EPS15: variants seen among roughly 807,000 people sequenced by gnomAD.
EPS15 encodes the protein epidermal growth factor receptor substrate 15.
EPS15 carries 72 observed loss-of-function variants against 113.8 expected under a neutral mutation model. That is an observed-to-expected ratio of 0.63 (90% CI 0.52 to 0.77). The LOEUF (loss-of-function observed/expected upper bound fraction) is 0.77, where lower values mean the gene tolerates loss of function less well. EPS15 is among the 30% of genes least tolerant of loss of function. EPS15 has a pLI of 0.00. For synonymous variants in EPS15, 344 were observed against 363.4 expected, an observed-to-expected ratio of 0.95 and a Z score of 0.61; for missense variants, 1,048 against 1,045.8, an observed-to-expected ratio of 1.00 and a Z score of -0.03.
intron 10 of EPS15, among the ~76,000 whole-genome samples, chr1:51,446,670 G>T (rs929669747): frequency 6.6e-6 from 1 of 152,016 alleles, no homozygotes; most frequent in Non-Finnish European, 1.5e-5. Context: ...GGCCAAGCTG[G>T]TCTCAAACTC....
At position 51,516,248 on chromosome 1, in the gene EPS15, G is replaced by A. The variant is rs183386708; in HGVS notation, c.33+2951C>T. 7.2e-5 allele frequency among the ~76,000 whole-genome samples: 11 copies of A among 152,334 alleles called. No individual in the cohort carries two copies. The East Asian group carries it at 1.5e-3, about 21-fold the overall frequency. ...ATCTTAAAAGTTGGAAAGGTCCTTA[G>A]ATCAGCTAATTCAAACTCCTCTAGC... On this transcript the variant is annotated intron_variant, in intron 1 of 24. Transcript: ENST00000371733.
At chr1:51,434,932 A>G (rs563960208) in intron 12 of EPS15, among the ~76,000 whole-genome samples, 13 of 152,246 alleles carry the variant, frequency 8.5e-5, no homozygotes, top group African/African-American at 2.9e-4. Flanking sequence ...TCAGCCTCCC[A>G]AAGTGCTGGG....
chr1:51,427,837 A>G lies in EPS15; in HGVS notation c.1041-5979T>C, dbSNP rs78969875. Among the ~76,000 whole-genome samples the G allele has an allele frequency of 8.6e-3, 1,315 of 152,320 alleles. 19 individuals are homozygous for G. Among genetic ancestry groups the G allele is most frequent in the African/African-American group, 0.029 (1,202 of 41,558 alleles). Reference sequence around the variant, plus strand: ...CAAAACAGCAGTAAGAAGCAGACTAAGAAGAAAACTCAAATTTGATAAAAT... The same window carrying G: ...CAAAACAGCAGTAAGAAGCAGACTAGGAAGAAAACTCAAATTTGATAAAAT... On this transcript the variant is annotated intron_variant, in intron 12 of 24. Transcript: ENST00000371733.
At chr1:51,510,177 ACCT>A (rs1267432743) in intron 1 of EPS15, among the ~76,000 whole-genome samples, 1 of 152,108 alleles carries the variant, frequency 6.6e-6, no homozygotes, top group Non-Finnish European at 1.5e-5. Context: ...CCCACTATTG[ACCT>A]CCTCCCCAAT....
chr1:51,508,808 T>G (rs1317421156), intron 1 of EPS15, among the ~76,000 whole-genome samples: 3 of 152,168 alleles, frequency 2.0e-5, no homozygotes, highest in Non-Finnish European at 2.9e-5. Context: ...AGGAATCTCA[T>G]AAGAAAATTG....
rs72637992 is a variant in EPS15 at position 51,496,161 on chromosome 1, A to G, written c.34-14847T>C. ...TTTAACCTGAGGCACATACTATTAT[A>G]CCCATTTAACAAATGAGGAAAATAA... On this transcript the variant is annotated intron_variant, in intron 1 of 24. Coordinates refer to ENST00000371733, the MANE Select transcript of EPS15 (RefSeq NM_001981.3). 6.2e-3 allele frequency among the ~76,000 whole-genome samples: 950 copies of G among 152,252 alleles called. 49 individuals are homozygous for G. In the East Asian group the frequency reaches 0.15, roughly 25 times the overall value.
Position 51,519,221 on chromosome 1 carries a change from G to T in EPS15, c.11C>A (p.Ala4Glu). The change falls in exon 1 of 25, where the codon GCG becomes GAG. Residue 4 changes from alanine (A) to glutamate (E), a missense_variant. By Grantham distance (107) the Ala-to-Glu change is moderately radical. Transcript: ENST00000371733. Reference sequence around the variant, plus strand: ...TACCTGTGTCAGAGAGAGCTGGGCCGCCGCAGCCATGGTGTTTCCATCATG... The same window carrying T: ...TACCTGTGTCAGAGAGAGCTGGGCCTCCGCAGCCATGGTGTTTCCATCATG... MAA[A>E]AQLSLTQLSS... 1 of 1,393,368 alleles carries T rather than the reference G, an allele frequency of 7.2e-7. No homozygotes were observed. Among genetic ancestry groups the T allele is most frequent in the Non-Finnish European group, 9.4e-7 (1 of 1,060,282 alleles). The allele number at this position is 1,393,368 out of a possible 1,614,324, so 86.3% of individuals were successfully genotyped here.
intron 21 of EPS15, chr1:51,372,841 C>A (rs1646692032): frequency 1.7e-6 from 1 of 580,440 alleles, no homozygotes; most frequent in South Asian, 1.9e-5. Flanking sequence ...ACAAAGAGGT[C>A]CATGGTTTGA....
intron 11 of EPS15, among the ~76,000 whole-genome samples, chr1:51,441,520 A>G (rs1652595577): frequency 1.3e-5 from 2 of 152,142 alleles, no homozygotes; most frequent in African/African-American, 2.4e-5. Flanking sequence ...TGCTGACTTT[A>G]TATAACAGAA....
At chr1:51,464,441 T>G (rs922989924) in intron 6 of EPS15, among the ~76,000 whole-genome samples, 9 of 151,860 alleles carry the variant, frequency 5.9e-5, no homozygotes, top group African/African-American at 2.2e-4. Context: ...GGGGTTTCAC[T>G]ATGTTGGCCA....
At chr1:51,505,523 C>A (rs916562882) in intron 1 of EPS15, among the ~76,000 whole-genome samples, 4 of 152,016 alleles carry the variant, frequency 2.6e-5, no homozygotes, top group Admixed American at 2.6e-4. Flanking sequence ...GGGAAGCATG[C>A]AATATGGGAG....
rs1016455069 is a variant in EPS15 at position 51,484,198 on chromosome 1, T to C, written c.34-2884A>G. Among the ~76,000 whole-genome samples, 6 of 152,288 alleles carry C rather than the reference T, an allele frequency of 3.9e-5. No individual in the cohort carries two copies. The South Asian group carries it at 8.3e-4, about 21-fold the overall frequency. ...TGCCCTGGTATGCCCAGGAAAATCT[T>C]GATTTACCGTCATTGTCCCAGCATC... On this transcript the variant is annotated intron_variant, in intron 1 of 24. Coordinates refer to ENST00000371733, the MANE Select transcript of EPS15 (RefSeq NM_001981.3).
At chr1:51,461,007 C>A in intron 8 of EPS15, 84 bp downstream of exon 8, 1 of 895,734 alleles carries the variant, frequency 1.1e-6, no homozygotes, top group Non-Finnish European at 1.8e-6. Flanking sequence ...TATAGTTTTC[C>A]TCTAAGGATG....
At chr1:51,363,297 CAAAAA>C (rs34317809) in intron 23 of EPS15, among the ~76,000 whole-genome samples, 1 of 76,754 alleles carries the variant, frequency 1.3e-5, no homozygotes, top group African/African-American at 4.7e-5. Context: ...GATTCCATCT[CAAAAA>C]AAAAAAAAAA....
chr1:51,485,800 C>T (rs1009153226), intron 1 of EPS15, among the ~76,000 whole-genome samples: 4 of 152,138 alleles, frequency 2.6e-5, no homozygotes, highest in South Asian at 2.1e-4. Context: ...GAAGTTCCAT[C>T]GAGGGTCTTT....
chr1:51,406,244 G>A, intron 15 of EPS15, 136 bp from the exon 16 acceptor site: 1 of 702,358 alleles, frequency 1.4e-6, no homozygotes, highest in Non-Finnish European at 2.4e-6. Context: ...GGGAAACTGA[G>A]GCAGGAGGAC....
intron 8 of EPS15, among the ~76,000 whole-genome samples, chr1:51,459,807 A>T (rs1265254999): frequency 6.6e-6 from 1 of 152,168 alleles, no homozygotes; most frequent in African/African-American, 2.4e-5. Flanking sequence ...AAAAAGCTGT[A>T]TAAAGGAGAA....
At chr1:51,487,024 A>T (rs1025031216) in intron 1 of EPS15, among the ~76,000 whole-genome samples, 3 of 152,076 alleles carry the variant, frequency 2.0e-5, no homozygotes, top group African/African-American at 7.2e-5. Context: ...ATCTAGCAAA[A>T]TTTTTCCTGA....
chr1:51,485,277 C>T (rs1228066157), intron 1 of EPS15, among the ~76,000 whole-genome samples: 2 of 152,218 alleles, frequency 1.3e-5, no homozygotes, highest in Non-Finnish European at 1.5e-5. Context: ...TATGTGTATT[C>T]TCCTTGCAAC....
Sources: gnomAD v4.1 joint callset for allele counts (sites outside exome capture counted in the v4.1 genomes callset) on GRCh38, gnomAD v4.1.1 for gene constraint, MANE v1.5 for transcripts, NCBI Gene and HGNC (gene_info 2026-07-23, HGNC 2026-07-21) for gene names.